The following RPGRIP1L variants were observed in gnomAD, a reference collection of about 807,000 sequenced individuals.
RPGRIP1L encodes RPGRIP1 like, also known as protein fantom.
RPGRIP1L carries 131 observed loss-of-function variants against 160.4 expected under a neutral mutation model. The ratio of observed to expected loss-of-function variants is 0.82; its 90% CI spans 0.71 to 0.94. The LOEUF (loss-of-function observed/expected upper bound fraction) is 0.94, where lower values mean the gene tolerates loss of function less well. RPGRIP1L is among the 40% of genes least tolerant of loss of function. The pLI is 0.00. For synonymous variants in RPGRIP1L, 510 were observed against 515.8 expected (o/e 0.99, Z 0.15); for missense variants, 1,522 against 1,535.8 (o/e 0.99, Z 0.15).
At chr16:53,683,480 A>G (rs991078546) in intron 6 of RPGRIP1L, among the ~76,000 whole-genome samples, 9 of 152,182 alleles carry the variant, frequency 5.9e-5, no homozygotes, top group African/African-American at 2.2e-4. Context: ...ATGGCATGGT[A>G]GGTATGTTTT....
At chr16:53,620,753 T>C (rs1482369766) in intron 23 of RPGRIP1L, among the ~76,000 whole-genome samples, 1 of 152,158 alleles carries the variant, frequency 6.6e-6, no homozygotes, top group East Asian at 1.9e-4. Context: ...GTTGGCTCTA[T>C]TGTCTAATCT....
intron 9 of RPGRIP1L, among the ~76,000 whole-genome samples, chr16:53,668,287 G>A (rs1386154957): frequency 6.6e-6 from 1 of 152,184 alleles, no homozygotes; most frequent in East Asian, 1.9e-4. Flanking sequence ...ACAGAACACA[G>A]AGCATCTATG....
Position 53,601,127 on chromosome 16 carries a change from T to C in RPGRIP1L, c.*949A>G, listed in dbSNP as rs1963359714. 6.6e-6 allele frequency: 1 copy of C among 152,646 alleles called. No homozygotes were observed. Among genetic ancestry groups the C allele is most frequent in the Admixed American group, 6.5e-5 (1 of 15,280 alleles). 9.5% of individuals were successfully genotyped at this position (152,646 alleles called of 1,614,324 possible). On this transcript the variant is annotated 3_prime_UTR_variant, in exon 27 of 27. Coordinates refer to ENST00000647211, the MANE Select transcript of RPGRIP1L (RefSeq NM_015272.5). ...TCCTTCAGTGAGATTGGGTAAAAGC[T>C]AGAAAATTAACTTTCAGAGCTGCTT... is the stretch of plus-strand genomic sequence containing the variant.
At chr16:53,673,540 CTATT>C (rs780604129) in intron 7 of RPGRIP1L, among the ~76,000 whole-genome samples, 10 of 151,942 alleles carry the variant, frequency 6.6e-5, no homozygotes, top group Admixed American at 2.0e-4. Context: ...CAAAAATGGT[CTATT>C]TATGACCATG....
At chr16:53,628,389 A>T (rs1965312510) in intron 22 of RPGRIP1L, 4 of 152,184 alleles carry the variant, frequency 2.6e-5, no homozygotes, top group African/African-American at 9.7e-5. Flanking sequence ...ATATTAATTA[A>T]TGGTGATTCT....
chr16:53,660,094 T>C lies in RPGRIP1L; in HGVS notation c.1244-1216A>G, dbSNP rs1967646433. On this transcript the variant is annotated intron_variant, in intron 10 of 26. Transcript: ENST00000647211. ...TTTTTCACTCCCTGCATTAAACATG[T>C]TTAGCTTTTTTTAAAAAAAGCATAA... Among the ~76,000 whole-genome samples, 5 of 152,146 alleles carry C rather than the reference T, an allele frequency of 3.3e-5. No individual in the cohort carries two copies. In the South Asian group the frequency reaches 1.0e-3, roughly 32 times the overall value.
chr16:53,636,477 A>G lies in RPGRIP1L; in HGVS notation c.3256T>C (p.Cys1086Arg), dbSNP rs773238696. 1 of 1,612,624 alleles carries G rather than the reference A, an allele frequency of 6.2e-7. No homozygotes were observed. Among genetic ancestry groups the G allele is most frequent in the Admixed American group, 1.7e-5 (1 of 59,970 alleles). ...TTGGAGATAGGACCTGGAATAATAC[A>G]GTCATCACTGTCAGAAGCTGACATG... Reference protein sequence around the residue: ...EDMSASDSDDCIIPGPISKNI... With the variant: ...EDMSASDSDDRIIPGPISKNI... The change falls in exon 22 of 27, where the codon TGT becomes CGT. Residue 1086 changes from cysteine to arginine, a missense_variant. Coordinates refer to ENST00000647211, the MANE Select transcript of RPGRIP1L (RefSeq NM_015272.5).
intron 22 of RPGRIP1L, among the ~76,000 whole-genome samples, chr16:53,630,475 G>A (rs1302873709): frequency 6.6e-6 from 1 of 151,942 alleles, no homozygotes; most frequent in African/African-American, 2.4e-5. Context: ...TTCATCTTAA[G>A]CAGATATATT....
chr16:53,673,576 C>T (rs1300058277), intron 7 of RPGRIP1L, among the ~76,000 whole-genome samples: 2 of 151,984 alleles, frequency 1.3e-5, no homozygotes, highest in Non-Finnish European at 2.9e-5. Flanking sequence ...ATTTTATATA[C>T]TTTAATGTCA....
intron 2 of RPGRIP1L, among the ~76,000 whole-genome samples, chr16:53,697,736 C>T (rs1418312032): frequency 6.6e-6 from 1 of 152,116 alleles, no homozygotes; most frequent in African/African-American, 2.4e-5. Flanking sequence ...CAGCCGCCTG[C>T]CTTGGCCTCC....
intron 6 of RPGRIP1L, among the ~76,000 whole-genome samples, chr16:53,675,583 T>C (rs1421279518): frequency 3.3e-5 from 5 of 152,138 alleles, no homozygotes; most frequent in African/African-American, 1.2e-4. Context: ...TCGACGCAAA[T>C]GGCATCATAA....
chr16:53,681,872 T>C (rs997179718), intron 6 of RPGRIP1L, among the ~76,000 whole-genome samples: 6 of 152,194 alleles, frequency 3.9e-5, no homozygotes, highest in African/African-American at 7.2e-5. Context: ...GAGTCCAACA[T>C]CCAGATCAGA....
At chr16:53,617,296 C>T (rs576202668) in intron 24 of RPGRIP1L, among the ~76,000 whole-genome samples, 1 of 152,130 alleles carries the variant, frequency 6.6e-6, no homozygotes, top group Non-Finnish European at 1.5e-5. Context: ...AATGTTGTTG[C>T]CAGTCCAACC....
intron 15 of RPGRIP1L, among the ~76,000 whole-genome samples, chr16:53,649,804 T>G (rs17215558): frequency 0.056 from 8,486 of 152,232 alleles, 399 homozygotes; most frequent in African/African-American, 0.13. Context: ...GGGCACTGAC[T>G]TCTTTGGCCC....
chr16:53,663,326 C>A (rs534474115), intron 10 of RPGRIP1L, among the ~76,000 whole-genome samples: 47 of 152,014 alleles, frequency 3.1e-4, no homozygotes, highest in African/African-American at 1.1e-3. Flanking sequence ...AACAAAAAAA[C>A]CAAGATTTTA....
chr16:53,619,776 G>C (rs1964597594), intron 23 of RPGRIP1L, among the ~76,000 whole-genome samples: 1 of 152,114 alleles, frequency 6.6e-6, no homozygotes, highest in South Asian at 2.1e-4. Context: ...TCAAGCAAAA[G>C]AAACAATTTT....
intron 6 of RPGRIP1L, among the ~76,000 whole-genome samples, chr16:53,685,013 C>T (rs1045693655): frequency 1.3e-5 from 2 of 151,322 alleles, no homozygotes; most frequent in Non-Finnish European, 2.9e-5. Flanking sequence ...AACAAATTTA[C>T]AAGAAAAAAA....
chr16:53,601,958 C>T lies in RPGRIP1L; in HGVS notation c.*118G>A. On this transcript the variant is annotated 3_prime_UTR_variant, in exon 27 of 27. Coordinates refer to ENST00000647211, the MANE Select transcript of RPGRIP1L (RefSeq NM_015272.5). The stretch of plus-strand genomic sequence containing the variant: ...AACACTTCAAACCCAGGTCTCCCCG[C>T]TCCCAGCTTCCCATGAATTATAGAT... The T allele has an allele frequency of 1.4e-6, 1 of 715,134 alleles. No homozygotes were observed. Among genetic ancestry groups the T allele is most frequent in the South Asian group, 1.5e-5 (1 of 66,702 alleles). The allele number at this position is 715,134 out of a possible 1,614,324, so 44.3% of individuals were successfully genotyped here. A position where few individuals can be genotyped will look rare whatever the true frequency, so the allele number is the denominator to read the frequency against.
intron 22 of RPGRIP1L, among the ~76,000 whole-genome samples, chr16:53,630,520 T>G (rs1482534909): frequency 6.6e-6 from 1 of 152,014 alleles, no homozygotes; most frequent in Non-Finnish European, 1.5e-5. Context: ...CACTTAAGGG[T>G]CCATCAAAAG....
Sources: allele counts gnomAD v4.1 joint callset (sites outside exome capture counted in the v4.1 genomes callset), GRCh38; gene constraint gnomAD v4.1.1; transcripts MANE v1.5; gene names NCBI Gene and HGNC (gene_info 2026-07-23, HGNC 2026-07-21).